The following PRKG1 variants were observed in gnomAD, a reference collection of about 807,000 sequenced individuals.
The protein encoded by PRKG1 is protein kinase cGMP-dependent 1.
In PRKG1, 35 loss-of-function variants were observed where a neutral mutation model predicts 88.1. The ratio of observed to expected loss-of-function variants is 0.40; its 90% CI spans 0.30 to 0.53. The LOEUF (loss-of-function observed/expected upper bound fraction) is 0.53, where lower values mean the gene tolerates loss of function less well. PRKG1 is among the 20% of genes least tolerant of loss of function. The pLI, the probability that PRKG1 is intolerant of heterozygous loss-of-function variation, is 0.59. For missense variants in PRKG1, 540 were observed against 839.8 expected (o/e 0.64, Z 4.41); for synonymous variants, 303 against 292.5 (o/e 1.04, Z -0.37).
At chr10:51,158,220 G>A (rs1846263602) in intron 2 of PRKG1, among the ~76,000 whole-genome samples, 1 of 151,740 alleles carries the variant, frequency 6.6e-6, no homozygotes, top group Non-Finnish European at 1.5e-5. Flanking sequence ...TTCTCATAAT[G>A]ACATTAAGAG....
intron 3 of PRKG1, among the ~76,000 whole-genome samples, chr10:51,574,146 A>G (rs1385864370): frequency 6.6e-6 from 1 of 151,976 alleles, no homozygotes; most frequent in Non-Finnish European, 1.5e-5. Context: ...GAAATAAATG[A>G]CAAATGCGTA....
At chr10:51,678,839 C>A (rs1321025308) in intron 3 of PRKG1, among the ~76,000 whole-genome samples, 3 of 152,110 alleles carry the variant, frequency 2.0e-5, no homozygotes, top group Non-Finnish European at 2.9e-5. Flanking sequence ...GCTGGATGTT[C>A]CACACAAACT....
chr10:51,231,079 G>A (rs530469055), intron 2 of PRKG1, among the ~76,000 whole-genome samples: 1 of 152,268 alleles, frequency 6.6e-6, no homozygotes, highest in South Asian at 2.1e-4. Context: ...CTTGCTGGGA[G>A]TGAAAAGGGA....
intron 4 of PRKG1, among the ~76,000 whole-genome samples, chr10:51,817,347 A>AACC (rs1564659070): frequency 9.3e-5 from 12 of 129,586 alleles, no homozygotes; most frequent in Non-Finnish European, 1.4e-4. Flanking sequence ...TCCCTCCCCA[A>AACC]CCCCCCCCCT....
intron 1 of PRKG1, among the ~76,000 whole-genome samples, chr10:51,009,481 A>T (rs1228464957): frequency 6.6e-6 from 1 of 152,186 alleles, no homozygotes; most frequent in East Asian, 1.9e-4. Context: ...GTAGTCTATA[A>T]CAGAAATTGA....
At chr10:51,904,163 G>A (rs892365318) in intron 4 of PRKG1, among the ~76,000 whole-genome samples, 5 of 151,964 alleles carry the variant, frequency 3.3e-5, no homozygotes, top group Non-Finnish European at 5.9e-5. Context: ...CAAGTCCTTA[G>A]GGAACCAAAA....
At chr10:51,442,204 G>A (rs559124624) in intron 2 of PRKG1, among the ~76,000 whole-genome samples, 2 of 151,948 alleles carry the variant, frequency 1.3e-5, no homozygotes, top group Middle Eastern at 3.4e-3. Flanking sequence ...ACTTTTCCTG[G>A]AAGTTCCAGT....
At chr10:51,391,754 G>T (rs1462055167) in intron 2 of PRKG1, among the ~76,000 whole-genome samples, 2 of 152,176 alleles carry the variant, frequency 1.3e-5, no homozygotes, top group East Asian at 3.8e-4. Flanking sequence ...TAATTTCCCT[G>T]AATATTTTGT....
At chr10:51,060,878 C>T (rs1843683981) in intron 1 of PRKG1, among the ~76,000 whole-genome samples, 1 of 152,004 alleles carries the variant, frequency 6.6e-6, no homozygotes, top group Non-Finnish European at 1.5e-5. Flanking sequence ...GTATAGAATT[C>T]TTCGTTGTCA....
chr10:51,374,688 T>G (rs976319628), intron 2 of PRKG1, among the ~76,000 whole-genome samples: 1 of 152,116 alleles, frequency 6.6e-6, no homozygotes, highest in Non-Finnish European at 1.5e-5. Flanking sequence ...ACCAGACAAT[T>G]GAACCCAATG....
At chr10:51,267,479 C>T (rs943315174) in intron 2 of PRKG1, among the ~76,000 whole-genome samples, 3 of 152,116 alleles carry the variant, frequency 2.0e-5, no homozygotes, top group Non-Finnish European at 4.4e-5. Context: ...ATATCTGAAT[C>T]TTTCTGCTCT....
At chr10:51,031,374 A>C (rs749416273) in intron 1 of PRKG1, among the ~76,000 whole-genome samples, 1 of 152,196 alleles carries the variant, frequency 6.6e-6, no homozygotes, top group Non-Finnish European at 1.5e-5. Flanking sequence ...GCCACTTTTC[A>C]TAGACCTTGG....
chr10:51,356,334 T>C (rs1013073138), intron 2 of PRKG1, among the ~76,000 whole-genome samples: 1 of 152,000 alleles, frequency 6.6e-6, no homozygotes, highest in African/African-American at 2.4e-5. Context: ...ATGTAGCCCA[T>C]GCTCAGGGAG....
chr10:51,697,731 C>T, intron 3 of PRKG1: 2 of 1,614,104 alleles, frequency 1.2e-6, no homozygotes, highest in Non-Finnish European at 1.7e-6. Flanking sequence ...TGGATTTGTT[C>T]CTTTAAAATC....
At chr10:51,489,406 C>T (rs778704819) in intron 3 of PRKG1, among the ~76,000 whole-genome samples, 18 of 152,084 alleles carry the variant, frequency 1.2e-4, no homozygotes, top group South Asian at 2.1e-4. Context: ...GCATGAACTG[C>T]GAGATCACTG....
intron 4 of PRKG1, 121 bp downstream of exon 4, chr10:51,804,811 A>C: frequency 1.5e-6 from 1 of 661,246 alleles, no homozygotes; most frequent in Non-Finnish European, 2.6e-6. Flanking sequence ...ATAGTCTACA[A>C]ATGTGTAGAG....
intron 1 of PRKG1, among the ~76,000 whole-genome samples, chr10:51,113,728 T>A (rs1373552685): frequency 1.4e-4 from 13 of 92,408 alleles, no homozygotes; most frequent in Admixed American, 2.3e-4. Flanking sequence ...GCATTCTATT[T>A]AAAAAAAAAA....
chr10:51,920,142 A>G (rs1842432351), intron 5 of PRKG1, among the ~76,000 whole-genome samples: 1 of 152,182 alleles, frequency 6.6e-6, no homozygotes, highest in Non-Finnish European at 1.5e-5. Flanking sequence ...ATTGTCAAGG[A>G]TACACAATCA....
chr10:51,053,253 T>TAAA (rs5784855), intron 1 of PRKG1, among the ~76,000 whole-genome samples: 78 of 148,544 alleles, frequency 5.3e-4, no homozygotes, highest in African/African-American at 1.8e-3. Context: ...AAATAAAAAC[T>TAAA]AAAAAAAAAA....
Sources: gnomAD v4.1 joint callset for allele counts (sites outside exome capture counted in the v4.1 genomes callset) on GRCh38, gnomAD v4.1.1 for gene constraint, MANE v1.5 for transcripts, NCBI Gene and HGNC (gene_info 2026-07-23, HGNC 2026-07-21) for gene names.